Variants in DLGAP2 observed in about 807,000 individuals in gnomAD.
The protein encoded by DLGAP2 is disks large-associated protein 2.
In DLGAP2, 26 loss-of-function variants were observed where a neutral mutation model predicts 100.3. The observed-to-expected ratio is 0.26, with a 90% confidence interval of 0.19 to 0.36. DLGAP2 has a LOEUF of 0.36. Ranked by LOEUF, DLGAP2 falls within the 10% of genes least tolerant of loss-of-function variation. The pLI is 1.00. For missense variants in DLGAP2, 1,858 were observed against 1,453.2 expected, an observed-to-expected ratio of 1.28 and a Z score of -4.53; for synonymous variants, 886 against 630.1, an observed-to-expected ratio of 1.41 and a Z score of -6.08.
chr8:1,543,214 A>G (rs1318322530), intron 4 of DLGAP2, among the ~76,000 whole-genome samples: 1 of 152,084 alleles, frequency 6.6e-6, no homozygotes, highest in South Asian at 2.1e-4. Context: ...TAGGTAGTTT[A>G]TTTTATCTAT....
At chr8:787,431 C>G (rs1821899362) in intron 1 of DLGAP2, among the ~76,000 whole-genome samples, 2 of 152,252 alleles carry the variant, frequency 1.3e-5, no homozygotes, top group African/African-American at 4.8e-5. Context: ...TAACTTCTCT[C>G]CGCTTCTCCA....
Position 1,097,306 on chromosome 8 carries a change from C to CCTTCACCCT in DLGAP2, c.74-161542_74-161534dup, listed in dbSNP as rs1206895231. On this transcript the variant is annotated intron_variant, in intron 2 of 14. Coordinates refer to ENST00000637795, the MANE Select transcript of DLGAP2 (RefSeq NM_001346810.2). Reference sequence around the variant, plus strand: ...AGTCCAGCTGGGAGCCCGGGGCAGGCCTTCACCCTCTGTGGCATGGAGGGG... The same window carrying CCTTCACCCT: ...AGTCCAGCTGGGAGCCCGGGGCAGGCCTTCACCCTCTTCACCCTCTGTGGCATGGAGGGG... 5.8e-4 allele frequency among the ~76,000 whole-genome samples: 76 copies of CCTTCACCCT among 131,874 alleles called. 5 individuals carry two copies. Among genetic ancestry groups the CCTTCACCCT allele is most frequent in the African/African-American group, 2.2e-3 (72 of 33,048 alleles). The allele number at this position is 131,874 out of a possible 152,430, so 86.5% of individuals were successfully genotyped here. A position where few individuals can be genotyped will look rare whatever the true frequency, so the allele number is the denominator to read the frequency against.
intron 1 of DLGAP2, among the ~76,000 whole-genome samples, chr8:843,153 A>T (rs1797013167): frequency 6.6e-6 from 1 of 152,102 alleles, no homozygotes; most frequent in Non-Finnish European, 1.5e-5. Context: ...ATGTGATCTT[A>T]ATGTAGGTGA....
At chr8:1,447,762 G>C (rs1798021862) in intron 3 of DLGAP2, among the ~76,000 whole-genome samples, 1 of 152,158 alleles carries the variant, frequency 6.6e-6, no homozygotes, top group African/African-American at 2.4e-5. Context: ...CACAATTTCA[G>C]AGCCTGTTAC....
chr8:1,316,773 G>C (rs1334444634), intron 3 of DLGAP2, among the ~76,000 whole-genome samples: 1 of 140,518 alleles, frequency 7.1e-6, no homozygotes, highest in Admixed American at 7.0e-5. Flanking sequence ...CGAGTACAGC[G>C]TCTCTCCCAC....
intron 3 of DLGAP2, among the ~76,000 whole-genome samples, chr8:1,431,400 C>T (rs1797432235): frequency 1.3e-5 from 2 of 152,248 alleles, no homozygotes; most frequent in African/African-American, 2.4e-5. Flanking sequence ...TGACAACCTA[C>T]TGGGCGTCAG....
chr8:884,595 G>A (rs538924777), intron 1 of DLGAP2, among the ~76,000 whole-genome samples: 159 of 151,998 alleles, frequency 1.0e-3, no homozygotes, highest in Non-Finnish European at 1.8e-3. Flanking sequence ...TGTTCATTTC[G>A]ATGATAGTTT....
chr8:1,029,061 C>T (rs1801898864), intron 2 of DLGAP2, among the ~76,000 whole-genome samples: 1 of 152,166 alleles, frequency 6.6e-6, no homozygotes, highest in Non-Finnish European at 1.5e-5. Context: ...TCTGCACTTT[C>T]AGCTGGAAAC....
chr8:1,430,861 T>C (rs7814361), intron 3 of DLGAP2, among the ~76,000 whole-genome samples: 36,167 of 152,124 alleles, frequency 0.24, 4,454 homozygotes, highest in Middle Eastern at 0.31. Context: ...GCAGCGTCTT[T>C]GATATCAGGC....
intron 2 of DLGAP2, among the ~76,000 whole-genome samples, chr8:1,067,611 G>GTA (rs1563173930): frequency 3.3e-5 from 3 of 91,770 alleles, no homozygotes; most frequent in Non-Finnish European, 5.1e-5. Context: ...TGACGTGTGT[G>GTA]TGTGTGTGTG....
intron 2 of DLGAP2, among the ~76,000 whole-genome samples, chr8:1,225,014 C>T (rs768873540): frequency 6.6e-6 from 1 of 152,170 alleles, no homozygotes; most frequent in Non-Finnish European, 1.5e-5. Context: ...GTTATTTAGC[C>T]ATTGTGGAAA....
At chr8:1,592,836 C>G (rs151280408) in intron 6 of DLGAP2, among the ~76,000 whole-genome samples, 3 of 152,190 alleles carry the variant, frequency 2.0e-5, no homozygotes, top group Admixed American at 6.5e-5. Context: ...GCATCACCGA[C>G]TGACCAGGGT....
chr8:1,440,494 A>G (rs940172902), intron 3 of DLGAP2, among the ~76,000 whole-genome samples: 2 of 152,236 alleles, frequency 1.3e-5, no homozygotes, highest in Non-Finnish European at 2.9e-5. Flanking sequence ...TTGAGCCAGC[A>G]GAGAGAAAAC....
chr8:978,750 G>C (rs1288503427), intron 2 of DLGAP2, among the ~76,000 whole-genome samples: 1 of 152,104 alleles, frequency 6.6e-6, no homozygotes, highest in Non-Finnish European at 1.5e-5. Context: ...CATCTGGTAA[G>C]GCATTTCAAT....
intron 2 of DLGAP2, among the ~76,000 whole-genome samples, chr8:979,047 G>A (rs1204427851): frequency 2.6e-5 from 4 of 152,142 alleles, no homozygotes; most frequent in Non-Finnish European, 5.9e-5. Context: ...CCGCAGGAGT[G>A]TTCAGGAGCA....
In DLGAP2 at chr8:1,324,134, G is replaced by A. The variant is rs567099474; in HGVS notation, c.106+65251G>A. 3.3e-4 allele frequency among the ~76,000 whole-genome samples: 50 copies of A among 152,268 alleles called. 1 individual carries two copies. The South Asian group carries it at 9.1e-3, about 28-fold the overall frequency. ...GCGTCCATTGAAGGGGGAGGAAGAC[G>A]ACCCCCAAAGTCTGTATTTTGAATA... On this transcript the variant is annotated intron_variant, in intron 3 of 14. Transcript: ENST00000637795.
intron 1 of DLGAP2, among the ~76,000 whole-genome samples, chr8:889,330 G>A (rs1472115784): frequency 2.0e-5 from 3 of 152,146 alleles, no homozygotes; most frequent in Non-Finnish European, 4.4e-5. Context: ...TGGTGGAGAG[G>A]GTGTGTTTCA....
chr8:917,223 C>G (rs1412102007), intron 2 of DLGAP2, among the ~76,000 whole-genome samples: 1 of 143,834 alleles, frequency 7.0e-6, no homozygotes, highest in Admixed American at 7.1e-5. Flanking sequence ...CCATCCCTCC[C>G]TCCCTCCCTT....
At chr8:1,207,296 C>A (rs1389073746) in intron 2 of DLGAP2, among the ~76,000 whole-genome samples, 2 of 152,206 alleles carry the variant, frequency 1.3e-5, no homozygotes, top group Admixed American at 1.3e-4. Context: ...ATCCACATAG[C>A]TTAGCTCCCA....
Sources: gnomAD v4.1 joint callset for allele counts (sites outside exome capture counted in the v4.1 genomes callset) on GRCh38, gnomAD v4.1.1 for gene constraint, MANE v1.5 for transcripts, NCBI Gene and HGNC (gene_info 2026-07-23, HGNC 2026-07-21) for gene names.